The following AGBL1 variants were observed in gnomAD, a reference collection of about 807,000 sequenced individuals.
The protein encoded by AGBL1 is cytosolic carboxypeptidase 4.
In AGBL1, 130 loss-of-function variants were observed where a neutral mutation model predicts 118.9. That is an observed-to-expected ratio of 1.09 (90% CI 0.95 to 1.26). AGBL1 has a LOEUF of 1.26. Among genes scored for constraint, AGBL1 ranks in the 50% most tolerant of loss-of-function variants. The probability of loss-of-function intolerance (pLI) is 0.00; values close to 1 mark genes in which losing one functional copy is unlikely to be tolerated. For missense variants in AGBL1, 1,584 were observed against 1,298.1 expected (o/e 1.22, Z -3.38); for synonymous variants, 555 against 478.9 (o/e 1.16, Z -2.08).
At chr15:86,550,818 G>C (rs1258396714) in intron 20 of AGBL1, among the ~76,000 whole-genome samples, 2 of 151,826 alleles carry the variant, frequency 1.3e-5, no homozygotes, top group African/African-American at 4.8e-5. Flanking sequence ...CTCCAGCATA[G>C]ATCTTATAAT....
At chr15:86,835,379 G>A (rs1040395520) in intron 22 of AGBL1, among the ~76,000 whole-genome samples, 1 of 152,100 alleles carries the variant, frequency 6.6e-6, no homozygotes, top group East Asian at 1.9e-4. Context: ...GTTTGAATGG[G>A]GTGGTGTTTA....
chr15:86,561,219 T>G (rs891914784), intron 21 of AGBL1, among the ~76,000 whole-genome samples: 7 of 152,240 alleles, frequency 4.6e-5, no homozygotes, highest in Admixed American at 4.6e-4. Context: ...CCCACGCCTA[T>G]GTCCTGAATG....
chr15:86,295,973 G>C (rs2079629743), intron 17 of AGBL1: 1 of 153,888 alleles, frequency 6.5e-6, no homozygotes, highest in African/African-American at 2.4e-5. Context: ...CAAACACATA[G>C]ACACATGTAG....
chr15:86,363,320 C>T (rs1456875710), intron 17 of AGBL1, among the ~76,000 whole-genome samples: 1 of 152,160 alleles, frequency 6.6e-6, no homozygotes, highest in African/African-American at 2.4e-5. Flanking sequence ...CTTTCATCAT[C>T]ATTTTACTGA....
At chr15:86,958,373 C>T (rs949760945) in intron 23 of AGBL1, among the ~76,000 whole-genome samples, 1 of 152,018 alleles carries the variant, frequency 6.6e-6, no homozygotes, top group Non-Finnish European at 1.5e-5. Flanking sequence ...GTAAAATGTC[C>T]TCCATTGAGA....
chr15:86,092,649 A>C (rs927051270), intron 1 of AGBL1, among the ~76,000 whole-genome samples: 1 of 152,096 alleles, frequency 6.6e-6, no homozygotes, highest in South Asian at 2.1e-4. Flanking sequence ...AGACAATTTA[A>C]AATGAACGGA....
rs189909234 is a variant in AGBL1, at chr15:87,007,641, A to T, written c.3323+19553A>T. ...GTTGGGAGGGAAAATATAAAGGATA[A>T]AGGAATTAAGAAAATAACTGGGCAA... On this transcript the variant is annotated intron_variant, in intron 24 of 24. Transcript: ENST00000441037. 3.4e-3 allele frequency among the ~76,000 whole-genome samples: 514 copies of T among 152,314 alleles called. 9 individuals carry two copies. Among genetic ancestry groups the T allele is most frequent in the African/African-American group, 0.012 (483 of 41,568 alleles).
At chr15:86,900,152 T>TC (rs1286834210) in intron 22 of AGBL1, among the ~76,000 whole-genome samples, 2 of 152,146 alleles carry the variant, frequency 1.3e-5, no homozygotes, top group African/African-American at 4.8e-5. Context: ...GCGGCACTGT[T>TC]GTCTTCCCTA....
intron 23 of AGBL1, among the ~76,000 whole-genome samples, chr15:86,951,115 AG>A (rs2080876887): frequency 6.6e-6 from 1 of 152,174 alleles, no homozygotes; most frequent in Non-Finnish European, 1.5e-5. Flanking sequence ...AAGTTATGCT[AG>A]GTTCAAAAGT....
rs547769811 is a variant in AGBL1 at position 86,809,777 on chromosome 15, A to T, written c.3159-97310A>T. On this transcript the variant is annotated intron_variant, in intron 22 of 22. Transcript: ENST00000614907. ...CCATTCATCTATATTATTTTGGTAG[A>T]TCACACGTTTTCAATGTAAGGTTGA... Among the ~76,000 whole-genome samples, 9 of 152,274 alleles carry T rather than the reference A, an allele frequency of 5.9e-5. No homozygotes were observed. In the East Asian group the frequency reaches 1.5e-3, roughly 26 times the overall value.
chr15:86,463,745 G>T (rs1016078864), intron 18 of AGBL1, among the ~76,000 whole-genome samples: 1 of 152,150 alleles, frequency 6.6e-6, no homozygotes, highest in Non-Finnish European at 1.5e-5. Context: ...AGATCAGATG[G>T]TTGTAGAAGT....
At chr15:86,485,094 A>G (rs2082696948) in intron 18 of AGBL1, among the ~76,000 whole-genome samples, 2 of 152,150 alleles carry the variant, frequency 1.3e-5, no homozygotes, top group Non-Finnish European at 2.9e-5. Context: ...ATCCCTGAAC[A>G]GTCTAAATGC....
At chr15:86,551,899 A>C (rs1162339294) in intron 20 of AGBL1, among the ~76,000 whole-genome samples, 1 of 152,166 alleles carries the variant, frequency 6.6e-6, no homozygotes, top group Non-Finnish European at 1.5e-5. Flanking sequence ...AAGGCTACAT[A>C]CTGTATTTCC....
intron 18 of AGBL1, among the ~76,000 whole-genome samples, chr15:86,469,984 G>C (rs973981324): frequency 6.6e-6 from 1 of 152,156 alleles, no homozygotes; most frequent in Non-Finnish European, 1.5e-5. Context: ...GCCCCTTACA[G>C]ATGTATGGTA....
At chr15:86,421,349 C>T (rs1442771138) in intron 18 of AGBL1, among the ~76,000 whole-genome samples, 3 of 152,126 alleles carry the variant, frequency 2.0e-5, no homozygotes, top group African/African-American at 7.2e-5. Context: ...CATATCCAGC[C>T]AAACTAAGAT....
rs1462295608 is a variant in AGBL1, at chr15:86,913,423, G to A, written c.*6129G>A. ...ATGTGACATAAACTGTACTTGAAGT[G>A]TGTATATATTCTGGGCCAGTTCCAA... is the stretch of plus-strand genomic sequence containing the variant. On this transcript the variant is annotated 3_prime_UTR_variant, in exon 23 of 23. Coordinates refer to ENST00000614907, the MANE Select transcript of AGBL1 (RefSeq NM_001386094.1). 1 of 152,234 alleles carries A rather than the reference G, an allele frequency of 6.6e-6. No individual in the cohort carries two copies. The highest frequency in any genetic ancestry group is 1.5e-5 in the Non-Finnish European group (1 of 68,066). The allele number at this position is 152,234 out of a possible 1,614,324, so 9.4% of individuals were successfully genotyped here. A position where few individuals can be genotyped will look rare whatever the true frequency, so the allele number is the denominator to read the frequency against.
intron 22 of AGBL1, among the ~76,000 whole-genome samples, chr15:86,777,998 A>G (rs754999127): frequency 6.6e-6 from 1 of 152,162 alleles, no homozygotes; most frequent in South Asian, 2.1e-4. Flanking sequence ...GTTCTTTTCT[A>G]TGTTCCCTAA....
intron 5 of AGBL1, among the ~76,000 whole-genome samples, chr15:86,183,787 T>A (rs1200688377): frequency 3.9e-5 from 6 of 152,220 alleles, no homozygotes; most frequent in Admixed American, 6.5e-5. Context: ...TCAGAGCTAA[T>A]ACCAAAGTCC....
chr15:86,364,838 T>C (rs2080856069), intron 17 of AGBL1, among the ~76,000 whole-genome samples: 1 of 151,522 alleles, frequency 6.6e-6, no homozygotes, highest in Admixed American at 6.6e-5. Context: ...AGTAGCACTT[T>C]AACTAAATAT....
Sources: allele counts gnomAD v4.1 joint callset (sites outside exome capture counted in the v4.1 genomes callset), GRCh38; gene constraint gnomAD v4.1.1; transcripts MANE v1.5; gene names NCBI Gene and HGNC (gene_info 2026-07-23, HGNC 2026-07-21).